Variants in ERICH1 observed in about 807,000 individuals in gnomAD.
ERICH1 encodes glutamate-rich protein 1.
ERICH1 carries 56 observed loss-of-function variants against 39.6 expected under a neutral mutation model. The ratio of observed to expected loss-of-function variants is 1.41; its 90% CI spans 1.14 to 1.77. ERICH1 has a LOEUF of 1.77. ERICH1 is among the 40% of genes most tolerant of loss of function. The pLI is 0.00. For missense variants in ERICH1, 826 were observed against 575.4 expected, an observed-to-expected ratio of 1.44 and a Z score of -4.45; for synonymous variants, 313 against 223.6, an observed-to-expected ratio of 1.40 and a Z score of -3.57.
chr8:633,904 T>C (rs1297270445), intron 3 of ERICH1, among the ~76,000 whole-genome samples: 1 of 152,108 alleles, frequency 6.6e-6, no homozygotes, highest in Non-Finnish European at 1.5e-5. Flanking sequence ...ATCAAAGACC[T>C]AAATGTGAGA....
At chr8:685,102 A>C (rs1014838034) in intron 3 of ERICH1, among the ~76,000 whole-genome samples, 1 of 152,196 alleles carries the variant, frequency 6.6e-6, no homozygotes, top group Non-Finnish European at 1.5e-5. Flanking sequence ...GGCGTGTTTC[A>C]TCCCTATCTA....
At chr8:729,167 C>G (rs1025520003) in intron 1 of ERICH1, among the ~76,000 whole-genome samples, 1 of 152,226 alleles carries the variant, frequency 6.6e-6, no homozygotes, top group Non-Finnish European at 1.5e-5. Context: ...CTCTGCCACA[C>G]TCAGCAGATG....
intron 2 of ERICH1, among the ~76,000 whole-genome samples, chr8:699,587 C>T (rs1404328781): frequency 1.1e-5 from 1 of 94,228 alleles, no homozygotes; most frequent in African/African-American, 2.9e-5. Context: ...GCTTCATTTC[C>T]CTCCTATTTT....
intron 2 of ERICH1, among the ~76,000 whole-genome samples, chr8:703,933 G>C (rs894290793): frequency 1.3e-5 from 2 of 152,194 alleles, no homozygotes; most frequent in African/African-American, 4.8e-5. Context: ...GATGAAAACA[G>C]ACCATGCTCA....
intron 2 of ERICH1, among the ~76,000 whole-genome samples, chr8:699,012 G>T (rs147471311): frequency 6.6e-6 from 1 of 151,710 alleles, no homozygotes; most frequent in Non-Finnish European, 1.5e-5. Context: ...CAGCTGTGGC[G>T]GGAGGCTCAG....
chr8:670,191 T>C (rs897089366), intron 4 of ERICH1, among the ~76,000 whole-genome samples: 1 of 152,232 alleles, frequency 6.6e-6, no homozygotes, highest in Admixed American at 6.5e-5. Context: ...TTAGTTACTA[T>C]ATTTCTCAGG....
chr8:649,533 A>T (rs1013032888), intron 3 of ERICH1, among the ~76,000 whole-genome samples: 1 of 151,860 alleles, frequency 6.6e-6, no homozygotes, highest in South Asian at 2.1e-4. Flanking sequence ...CCCGGGGGGA[A>T]GATCCACAGG....
At chr8:696,556 C>T (rs1810326429) in intron 2 of ERICH1, among the ~76,000 whole-genome samples, 1 of 55,210 alleles carries the variant, frequency 1.8e-5, no homozygotes, top group Non-Finnish European at 3.0e-5. Flanking sequence ...CCCTCCCTCT[C>T]CTTCCTCCCC....
chr8:632,934 C>A (rs977607400), intron 3 of ERICH1, among the ~76,000 whole-genome samples: 2 of 152,230 alleles, frequency 1.3e-5, no homozygotes, highest in Admixed American at 6.5e-5. Flanking sequence ...GGATGCCCCA[C>A]AGCAAAGAGC....
chr8:699,900 G>GGCCCGC (rs1811433040), intron 2 of ERICH1, among the ~76,000 whole-genome samples: 1 of 114,758 alleles, frequency 8.7e-6, no homozygotes, highest in African/African-American at 3.3e-5. Context: ...CACGCGCACA[G>GGCCCGC]ACCCGCACAG....
At chr8:668,024 A>G in intron 5 of ERICH1, 1 of 175,462 alleles carries the variant, frequency 5.7e-6, no homozygotes, top group Non-Finnish European at 1.2e-5. Flanking sequence ...AGTGGTGTGC[A>G]GGTGAATGGC....
Position 673,836 on chromosome 8 carries a change from T to C in ERICH1, c.516A>G (p.Lys172=). The C allele has an allele frequency of 1.2e-6, 2 of 1,614,090 alleles. No individual in the cohort carries two copies. Among genetic ancestry groups the C allele is most frequent in the Non-Finnish European group, 1.7e-6 (2 of 1,180,024 alleles). ...CTGCCAAGCCGGCTGCTTTCTTCCT[T>C]TTAATTTGCTGTTTCTTTTTCAGTT... ...KRKLKKKQQI[K]RKKAAGLAAK... Residue 172 remains lysine, a synonymous_variant, in exon 4 of 6, where the codon AAA becomes AAG. Coordinates refer to ENST00000262109, the MANE Select transcript of ERICH1 (RefSeq NM_207332.3).
At chr8:682,631 G>C (rs557665794) in intron 3 of ERICH1, among the ~76,000 whole-genome samples, 1 of 152,212 alleles carries the variant, frequency 6.6e-6, no homozygotes, top group Non-Finnish European at 1.5e-5. Context: ...GCTTTGAAAA[G>C]CTGCCATCCC....
At chr8:686,624 A>G (rs1277272908) in intron 3 of ERICH1, 1 of 152,280 alleles carries the variant, frequency 6.6e-6, no homozygotes, top group Non-Finnish European at 1.5e-5. Context: ...AAAAAACATG[A>G]CCATACACAG....
At chr8:674,545 C>A (rs530123606) in intron 3 of ERICH1, among the ~76,000 whole-genome samples, 1 of 152,264 alleles carries the variant, frequency 6.6e-6, no homozygotes, top group African/African-American at 2.4e-5. Context: ...CTCAAGTGAT[C>A]CACCTGCCTC....
chr8:710,613 G>A (rs1442810803), intron 2 of ERICH1, among the ~76,000 whole-genome samples: 2 of 152,256 alleles, frequency 1.3e-5, no homozygotes, highest in Non-Finnish European at 2.9e-5. Context: ...GTGTTACAGA[G>A]TTGGAATTGC....
rs756788840 is a variant in ERICH1 at position 716,020 on chromosome 8, C to A, written c.23-13G>T. 1 of 1,578,484 alleles carries A rather than the reference C, an allele frequency of 6.3e-7. No individual in the cohort carries two copies. The highest frequency in any genetic ancestry group is 2.0e-5 in the Admixed American group (1 of 50,606). ...TTCTCCACAAACACTGTACAGACAA[C>A]CGATTAAAAGAAAAGGAGGAAAAGG... On this transcript the variant is annotated splice_polypyrimidine_tract_variant and intron_variant, in intron 1 of 5. Transcript: ENST00000262109.
In ERICH1 at chr8:620,725, T is replaced by C. The variant is rs1319697590; in HGVS notation, c.977-5441A>G. On this transcript the variant is annotated intron_variant, in intron 3 of 3. Transcript: ENST00000522706. ...AAGACAAACACTTTGTAATGATAAATGTTAACATAACAATTATAAACCCAT... is the reference window on the plus strand; with the variant it reads ...AAGACAAACACTTTGTAATGATAAACGTTAACATAACAATTATAAACCCAT... Among the ~76,000 whole-genome samples, 5 of 152,176 alleles carry C rather than the reference T, an allele frequency of 3.3e-5. No homozygotes were observed. In the East Asian group the frequency reaches 9.6e-4, roughly 29 times the overall value.
At chr8:651,381 A>T (rs1799925264) in intron 3 of ERICH1, among the ~76,000 whole-genome samples, 2 of 152,364 alleles carry the variant, frequency 1.3e-5, no homozygotes, top group Admixed American at 1.3e-4. Flanking sequence ...ATATCATCCC[A>T]GGGCTCCTTG....
Sources: allele counts gnomAD v4.1 joint callset (sites outside exome capture counted in the v4.1 genomes callset), GRCh38; gene constraint gnomAD v4.1.1; transcripts MANE v1.5; gene names NCBI Gene and HGNC (gene_info 2026-07-23, HGNC 2026-07-21).